Variants in SLIT2 observed in about 807,000 individuals in gnomAD.
The protein encoded by SLIT2 is slit homolog 2 protein.
SLIT2 carries 41 observed loss-of-function variants against 185.7 expected under a neutral mutation model. The ratio of observed to expected loss-of-function variants is 0.22; its 90% CI spans 0.17 to 0.29. The LOEUF (loss-of-function observed/expected upper bound fraction) is 0.29, where lower values mean the gene tolerates loss of function less well. Ranked by LOEUF, SLIT2 falls within the 10% of genes least tolerant of loss-of-function variation. The pLI is 1.00. For missense variants in SLIT2, 1,571 were observed against 1,909.0 expected (o/e 0.82, Z 3.30); for synonymous variants, 693 against 680.2 (o/e 1.02, Z -0.29).
intron 24 of SLIT2, among the ~76,000 whole-genome samples, 189 bp from the exon 25 acceptor site, chr4:20,550,638 G>T (rs1230092515): frequency 1.3e-5 from 2 of 151,346 alleles, no homozygotes; most frequent in African/African-American, 4.9e-5. Flanking sequence ...AATTTATTTT[G>T]TACACATAAT....
intron 22 of SLIT2, 123 bp downstream of exon 22, chr4:20,546,222 C>T: frequency 3.7e-6 from 2 of 538,620 alleles, no homozygotes; most frequent in Non-Finnish European, 6.5e-6. Flanking sequence ...ATGCTTCCCT[C>T]CTTGCTCATT....
chr4:20,342,815 T>C (rs1721073109), intron 4 of SLIT2, among the ~76,000 whole-genome samples: 1 of 143,546 alleles, frequency 7.0e-6, no homozygotes, highest in Non-Finnish European at 1.5e-5. Context: ...GTTGACTAGC[T>C]GTGGATAGTG....
At chr4:20,256,786 C>A in intron 2 of SLIT2, 43 bp downstream of exon 2, 3 of 1,006,124 alleles carry the variant, frequency 3.0e-6, no homozygotes, top group Non-Finnish European at 4.5e-6. Context: ...TTTAAGGTTG[C>A]ATATTTTGAA....
At chr4:20,477,959 G>C (rs1472754979) in intron 5 of SLIT2, among the ~76,000 whole-genome samples, 1 of 152,212 alleles carries the variant, frequency 6.6e-6, no homozygotes, top group Non-Finnish European at 1.5e-5. Flanking sequence ...CCCAGGGCTT[G>C]AAAGGTAGTG....
At chr4:20,589,526 T>G in intron 29 of SLIT2, 118 bp from the exon 30 acceptor site, 1 of 761,180 alleles carries the variant, frequency 1.3e-6, no homozygotes, top group South Asian at 1.7e-5. Context: ...TTTTTTGCTT[T>G]GTTTTGTTTT....
intron 25 of SLIT2, chr4:20,552,711 C>T (rs1723879563): frequency 6.6e-6 from 1 of 152,164 alleles, no homozygotes. Flanking sequence ...TGATTCTACA[C>T]ATATATTTCA....
At chr4:20,296,541 C>T (rs1300600615) in intron 4 of SLIT2, among the ~76,000 whole-genome samples, 2 of 152,104 alleles carry the variant, frequency 1.3e-5, no homozygotes, top group African/African-American at 2.4e-5. Flanking sequence ...GGTAAACAAC[C>T]CCACTGTGGC....
intron 4 of SLIT2, among the ~76,000 whole-genome samples, chr4:20,384,644 GA>G (rs1724793960): frequency 6.6e-6 from 1 of 152,094 alleles, no homozygotes; most frequent in Admixed American, 6.6e-5. Flanking sequence ...AGCAAACCAA[GA>G]AAAGAGCTTA....
chr4:20,448,527 G>C (rs1227531843), intron 4 of SLIT2, among the ~76,000 whole-genome samples: 4 of 152,216 alleles, frequency 2.6e-5, no homozygotes, highest in African/African-American at 9.6e-5. Context: ...TGCCATGTTG[G>C]AGAGGTTGGT....
At position 20,330,405 on chromosome 4, in the gene SLIT2, T is replaced by TA. The variant is rs540626009; in HGVS notation, c.395+61525dup. Among the ~76,000 whole-genome samples the TA allele has an allele frequency of 6.5e-3, 994 of 152,216 alleles. 13 individuals carry two copies. Among genetic ancestry groups the TA allele is most frequent in the African/African-American group, 0.023 (951 of 41,552 alleles). On this transcript the variant is annotated intron_variant, in intron 4 of 36. Coordinates refer to ENST00000504154, the MANE Select transcript of SLIT2 (RefSeq NM_004787.4). ...TAGGTGATAATGATGTGGTCGGTGT[T>TA]AGACTAGCACTATTGTGAATTACTC...
intron 4 of SLIT2, among the ~76,000 whole-genome samples, chr4:20,382,964 T>C (rs1724649790): frequency 6.6e-6 from 1 of 152,144 alleles, no homozygotes; most frequent in South Asian, 2.1e-4. Context: ...ATTAGTGGAA[T>C]AGAAAAGAGA....
chr4:20,545,729 C>T (rs1463338455), intron 21 of SLIT2, among the ~76,000 whole-genome samples: 1 of 152,020 alleles, frequency 6.6e-6, no homozygotes, highest in Non-Finnish European at 1.5e-5. Flanking sequence ...CACATAAACA[C>T]AAGCAAACTG....
chr4:20,412,326 A>G (rs575023139), intron 4 of SLIT2, among the ~76,000 whole-genome samples: 4 of 152,184 alleles, frequency 2.6e-5, no homozygotes, highest in Non-Finnish European at 5.9e-5. Flanking sequence ...ATAAAATGCA[A>G]TATTTGCTAT....
At chr4:20,454,825 C>T (rs532056668) in intron 4 of SLIT2, among the ~76,000 whole-genome samples, 15 of 152,182 alleles carry the variant, frequency 9.9e-5, no homozygotes, top group African/African-American at 2.9e-4. Flanking sequence ...GGAAACCATA[C>T]GTCGTGGGCA....
chr4:20,477,010 C>T (rs575552060), intron 5 of SLIT2, among the ~76,000 whole-genome samples: 1 of 151,998 alleles, frequency 6.6e-6, no homozygotes, highest in East Asian at 1.9e-4. Context: ...GAACTTTTTG[C>T]ACGTGAGGCA....
intron 4 of SLIT2, among the ~76,000 whole-genome samples, chr4:20,335,442 C>A (rs1055235681): frequency 4.6e-5 from 7 of 152,072 alleles, no homozygotes; most frequent in Non-Finnish European, 1.0e-4. Context: ...AAATGATTAC[C>A]TTTTTGATAA....
intron 4 of SLIT2, among the ~76,000 whole-genome samples, chr4:20,372,341 G>A (rs1003850755): frequency 5.3e-5 from 8 of 151,796 alleles, no homozygotes; most frequent in South Asian, 2.1e-4. Context: ...CTCTAGAGGC[G>A]TGATTATTGG....
At chr4:20,545,458 C>CAT (rs3836701) in intron 21 of SLIT2, among the ~76,000 whole-genome samples, 4,133 of 147,904 alleles carry the variant, frequency 0.028, 94 homozygotes, top group African/African-American at 0.056. Flanking sequence ...ATTGCTGTTA[C>CAT]ATATATATAT....
chr4:20,611,852 A>C (rs1336800178), intron 34 of SLIT2, among the ~76,000 whole-genome samples: 1 of 152,172 alleles, frequency 6.6e-6, no homozygotes, highest in Non-Finnish European at 1.5e-5. Context: ...CAAGTACACA[A>C]AGCTATTATG....
Sources: allele counts gnomAD v4.1 joint callset (sites outside exome capture counted in the v4.1 genomes callset), GRCh38; gene constraint gnomAD v4.1.1; transcripts MANE v1.5; gene names NCBI Gene and HGNC (gene_info 2026-07-23, HGNC 2026-07-21).